EYS: variants seen among roughly 807,000 people sequenced by gnomAD.
The protein encoded by EYS is protein eyes shut homolog.
EYS carries 250 observed loss-of-function variants against 282.1 expected under a neutral mutation model. The observed-to-expected ratio is 0.89, with a 90% CI of 0.80 to 0.98. EYS has a LOEUF of 0.98. EYS is among the 50% of genes least tolerant of loss of function. The probability of loss-of-function intolerance (pLI) is 0.00; values close to 1 mark genes in which losing one functional copy is unlikely to be tolerated. For missense variants in EYS, 4,016 were observed against 3,709.0 expected (o/e 1.08, Z -2.15); for synonymous variants, 1,355 against 1,282.9 (o/e 1.06, Z -1.20).
chr6:65,628,368 A>G (rs1351814282), intron 2 of EYS, among the ~76,000 whole-genome samples: 1 of 152,124 alleles, frequency 6.6e-6, no homozygotes, highest in Non-Finnish European at 1.5e-5. Context: ...CACCCTGACA[A>G]AAGAGGCCAC....
intron 4 of EYS, chr6:65,491,561 CT>C (rs1429891073): frequency 4.6e-6 from 2 of 434,570 alleles, no homozygotes; most frequent in Middle Eastern, 6.7e-4. Context: ...TAATGCAGAA[CT>C]TTTTTCTTCA....
chr6:65,220,946 C>T (rs529368475), intron 12 of EYS, among the ~76,000 whole-genome samples: 3 of 152,160 alleles, frequency 2.0e-5, no homozygotes, highest in South Asian at 4.2e-4. Context: ...TTAACCCTAC[C>T]CTAGAGATTT....
chr6:65,512,993 A>T (rs1160736976), intron 2 of EYS, among the ~76,000 whole-genome samples: 2 of 152,192 alleles, frequency 1.3e-5, no homozygotes, highest in Admixed American at 1.3e-4. Flanking sequence ...AAATTAATGA[A>T]TCCACAAGCT....
intron 31 of EYS, among the ~76,000 whole-genome samples, chr6:64,203,729 C>T (rs944497359): frequency 6.6e-6 from 1 of 152,090 alleles, no homozygotes; most frequent in Non-Finnish European, 1.5e-5. Context: ...AATTACAGAA[C>T]TATACCAATA....
rs1371643132 is a variant in EYS at position 63,984,541 on chromosome 6, T to C, written c.6897A>G (p.Ala2299=). 4 of 1,549,608 alleles carry C rather than the reference T, an allele frequency of 2.6e-6. No homozygotes were observed. Among genetic ancestry groups the C allele is most frequent in the Non-Finnish European group, 3.5e-6 (4 of 1,145,586 alleles). ...AGCCCCTGAACCCATAAACAGGACCTGCTTTCTTATGAATTTGAACATTTG... is the reference window on the plus strand; with the variant it reads ...AGCCCCTGAACCCATAAACAGGACCCGCTTTCTTATGAATTTGAACATTTG... ...IPANVQIHKK[A]GPVYGFRGCI... The change falls in exon 35 of 43, where the codon GCA becomes GCG. Residue 2299 remains alanine (A), a synonymous_variant. Transcript: ENST00000503581.
chr6:63,746,381 TTC>T (rs971195774), intron 41 of EYS, among the ~76,000 whole-genome samples: 15 of 152,216 alleles, frequency 9.9e-5, no homozygotes, highest in African/African-American at 3.4e-4. Context: ...TGGTCTAAAA[TTC>T]TCTTTTTTTG....
At chr6:65,470,625 G>A (rs1360130397) in intron 5 of EYS, among the ~76,000 whole-genome samples, 1 of 152,106 alleles carries the variant, frequency 6.6e-6, no homozygotes, top group Admixed American at 6.6e-5. Flanking sequence ...CTAGTACTGT[G>A]TTAGCCAGTC....
chr6:64,490,031 C>A (rs532829526), intron 26 of EYS, among the ~76,000 whole-genome samples: 1 of 150,754 alleles, frequency 6.6e-6, no homozygotes, highest in Non-Finnish European at 1.5e-5. Flanking sequence ...TAGTTCTCAG[C>A]GAATTTTATT....
At chr6:65,254,727 G>A (rs1180471510) in intron 12 of EYS, among the ~76,000 whole-genome samples, 2 of 151,744 alleles carry the variant, frequency 1.3e-5, no homozygotes, top group East Asian at 1.9e-4. Flanking sequence ...GTGGATGTTT[G>A]GTGCCTTGCG....
chr6:64,720,150 T>G (rs1375166586), intron 22 of EYS, among the ~76,000 whole-genome samples: 1 of 152,170 alleles, frequency 6.6e-6, no homozygotes, highest in Non-Finnish European at 1.5e-5. Flanking sequence ...ATCTACTTCC[T>G]CACCTTTTCC....
chr6:64,147,855 T>A (rs1444500382), intron 31 of EYS, among the ~76,000 whole-genome samples: 1 of 152,200 alleles, frequency 6.6e-6, no homozygotes, highest in African/African-American at 2.4e-5. Flanking sequence ...AGTTACCAGA[T>A]GGAGTGCAGC....
intron 41 of EYS, among the ~76,000 whole-genome samples, chr6:63,749,127 T>C (rs1283155671): frequency 6.6e-6 from 1 of 152,216 alleles, no homozygotes; most frequent in Non-Finnish European, 1.5e-5. Flanking sequence ...TTCAGTGCTG[T>C]AAATTATCCT....
chr6:64,838,099 G>T (rs1031635982), intron 19 of EYS, among the ~76,000 whole-genome samples: 11 of 151,582 alleles, frequency 7.3e-5, no homozygotes, highest in Non-Finnish European at 1.3e-4. Flanking sequence ...TACTATTTCT[G>T]CTTCTTTTGT....
intron 30 of EYS, among the ~76,000 whole-genome samples, chr6:64,252,916 G>A (rs1360292785): frequency 6.6e-6 from 1 of 151,996 alleles, no homozygotes; most frequent in Non-Finnish European, 1.5e-5. Context: ...ACTCCTCATT[G>A]TATTCTGTGT....
At chr6:64,671,974 T>A (rs1404807198) in intron 22 of EYS, among the ~76,000 whole-genome samples, 1 of 152,116 alleles carries the variant, frequency 6.6e-6, no homozygotes. Context: ...GAAGAAGTTA[T>A]GTATCTTCAA....
intron 1 of EYS, among the ~76,000 whole-genome samples, chr6:65,696,861 T>C (rs1302408834): frequency 5.3e-5 from 8 of 152,126 alleles, no homozygotes; most frequent in African/African-American, 1.7e-4. Context: ...CCAGAGTACT[T>C]AGAGTGTAGA....
intron 28 of EYS, among the ~76,000 whole-genome samples, chr6:64,431,201 C>G (rs932771910): frequency 3.3e-5 from 5 of 152,102 alleles, no homozygotes; most frequent in African/African-American, 1.2e-4. Context: ...CTGTTCTAGA[C>G]CTTTCTCTTT....
At chr6:64,919,975 T>C (rs1294284222) in intron 15 of EYS, among the ~76,000 whole-genome samples, 1 of 152,182 alleles carries the variant, frequency 6.6e-6, no homozygotes, top group African/African-American at 2.4e-5. Flanking sequence ...ATGCTGTATT[T>C]TGAAGAATAC....
At chr6:65,224,909 T>C (rs1456711160) in intron 12 of EYS, among the ~76,000 whole-genome samples, 1 of 152,130 alleles carries the variant, frequency 6.6e-6, no homozygotes, top group East Asian at 1.9e-4. Context: ...GTAAAGTGAT[T>C]GAATTCGTAG....
Sources: gnomAD v4.1 joint callset for allele counts (sites outside exome capture counted in the v4.1 genomes callset) on GRCh38, gnomAD v4.1.1 for gene constraint, MANE v1.5 for transcripts, NCBI Gene and HGNC (gene_info 2026-07-23, HGNC 2026-07-21) for gene names.